Variants in HEPACAM observed in about 807,000 individuals in gnomAD.
HEPACAM encodes the protein hepatocyte cell adhesion molecule.
HEPACAM carries 18 observed loss-of-function variants against 38.3 expected under a neutral mutation model. The ratio of observed to expected loss-of-function variants is 0.47; its 90% CI spans 0.33 to 0.70. The LOEUF (loss-of-function observed/expected upper bound fraction) is 0.70. HEPACAM is among the 30% of genes least tolerant of loss of function. The pLI, the probability that HEPACAM is intolerant of heterozygous loss-of-function variation, is 0.03. For missense variants in HEPACAM, 466 were observed against 563.0 expected (o/e 0.83, Z 1.74); for synonymous variants, 216 against 243.1 (o/e 0.89, Z 1.04).
chr11:124,921,405 C>T lies in HEPACAM; in HGVS notation c.984G>A (p.Glu328=). 1 of 1,270,006 alleles carries T rather than the reference C, an allele frequency of 7.9e-7. No individual in the cohort carries two copies. Among genetic ancestry groups the T allele is most frequent in the Non-Finnish European group, 9.9e-7 (1 of 1,009,878 alleles). 78.7% of individuals were successfully genotyped at this position (1,270,006 alleles called of 1,614,324 possible). ...SPETEENPAP[E]PRSATEPGPP... is the part of the protein sequence containing the mutation. Reference sequence around the variant, plus strand: ...GGCCGGGCTCCGTCGCGCTTCGAGGCTCCGGGGCCGGGTTCTCCTCGGTCT... The same window carrying T: ...GGCCGGGCTCCGTCGCGCTTCGAGGTTCCGGGGCCGGGTTCTCCTCGGTCT... The change falls in exon 7 of 7, where the codon GAG becomes GAA. Residue 328 remains glutamate, a synonymous_variant. Coordinates refer to ENST00000298251, the MANE Select transcript of HEPACAM (RefSeq NM_152722.5). This position sits in a 1 kb window ranked among gnomAD's most constrained non-coding sequence, Gnocchi z 4.6.
chr11:124,934,061 C>A (rs1006925873), intron 1 of HEPACAM, among the ~76,000 whole-genome samples: 6 of 152,166 alleles, frequency 3.9e-5, no homozygotes, highest in African/African-American at 1.4e-4. Context: ...TCTCTCCAAC[C>A]CTGACCTCTC....
Position 124,921,346 on chromosome 11 carries a change from C to A in HEPACAM, c.1043G>T (p.Gly348Val). ...PGYSVSPAVP[G>V]RSPGLPIRSA... ...GCGGATGGGCAGCCCCGGCGAGCGG[C>A]CGGGCACGGCGGGAGACACGGAGTA... is the stretch of plus-strand genomic sequence containing the variant. Residue 348 changes from glycine to valine, a missense_variant, in exon 7 of 7, where the codon GGC becomes GTC. By Grantham distance (109) the Gly-to-Val change is moderately radical (BLOSUM62 -3). Transcript: ENST00000298251. The surrounding 1 kb of genome is among the most constrained non-coding windows in gnomAD (Gnocchi z 4.6). The A allele has an allele frequency of 3.9e-6, 5 of 1,267,596 alleles. No individual in the cohort carries two copies. The highest frequency in any genetic ancestry group is 4.9e-6 in the Non-Finnish European group (5 of 1,011,282). 78.5% of individuals were successfully genotyped at this position (1,267,596 alleles called of 1,614,324 possible).
At chr11:124,929,292 C>T (rs1947255734) in intron 1 of HEPACAM, among the ~76,000 whole-genome samples, 2 of 152,250 alleles carry the variant, frequency 1.3e-5, no homozygotes, top group African/African-American at 2.4e-5. Flanking sequence ...GTCCCCTCAT[C>T]ATGCCTATGA....
intron 1 of HEPACAM, among the ~76,000 whole-genome samples, chr11:124,935,654 G>C (rs1052911386): frequency 2.0e-5 from 3 of 152,212 alleles, no homozygotes; most frequent in African/African-American, 7.2e-5. Context: ...AAATGGCCCA[G>C]TGCCCGCCAT....
rs1038446953 is a variant in HEPACAM at position 124,925,113 on chromosome 11, G to C, written c.86-44C>G. ...GAGGAAGAGGGAAGCATCAGGCCCT[G>C]GGCTCCTTAGCCCACTCCCAACTTT... On this transcript the variant is annotated intron_variant, in intron 1 of 6. Transcript: ENST00000298251. 4.0e-6 allele frequency: 6 copies of C among 1,487,392 alleles called. No homozygotes were observed. In the African/African-American group the frequency reaches 4.2e-5, roughly 10 times the overall value. The allele number at this position is 1,487,392 out of a possible 1,614,324, so 92.1% of individuals were successfully genotyped here.
At chr11:124,930,353 T>C (rs904608996) in intron 1 of HEPACAM, among the ~76,000 whole-genome samples, 2 of 152,202 alleles carry the variant, frequency 1.3e-5, no homozygotes, top group African/African-American at 4.8e-5. Flanking sequence ...TACATTTTTA[T>C]CCTGTTGAGG....
Position 124,925,022 on chromosome 11 carries a change from C to T in HEPACAM, c.133G>A (p.Gly45Ser), listed in dbSNP as rs751190197. The change falls in exon 2 of 7, where the codon GGC (glycine) becomes AGC (serine). Residue 45 changes from glycine (G) to serine (S), a missense_variant. Gly to Ser is a moderately conservative substitution (Grantham distance 56). Transcript: ENST00000298251. ...AGCAGAGCCGACTTCCCCACGGTGC[C>T]ATGGATCAGGCGCACGGGGCTGGTG... ...NITSPVRLIH[G>S]TVGKSALLSV... The T allele has an allele frequency of 2.2e-5, 35 of 1,606,042 alleles. No individual in the cohort carries two copies. Among genetic ancestry groups the T allele is most frequent in the Non-Finnish European group, 2.8e-5 (33 of 1,173,860 alleles).
rs773166911 is a variant in HEPACAM, at chr11:124,919,755, GT to G, written c.*1382del. The G allele has an allele frequency of 1.2e-6, 2 of 1,613,710 alleles. No individual in the cohort carries two copies. Among genetic ancestry groups the G allele is most frequent in the South Asian group, 2.2e-5 (2 of 91,068 alleles). ...ACTTGACCTGGTGTGGAGGTGATGG[GT>G]AACTGGGGCCTTGGAATTGCTCCAT... On this transcript the variant is annotated 3_prime_UTR_variant, in exon 7 of 7. Transcript: ENST00000298251.
At chr11:124,935,622 C>T (rs1440306952) in intron 1 of HEPACAM, among the ~76,000 whole-genome samples, 1 of 152,212 alleles carries the variant, frequency 6.6e-6, no homozygotes, top group Non-Finnish European at 1.5e-5. Flanking sequence ...GACTGGCCCA[C>T]GCCAACAAGT....
At chr11:124,922,262 C>T (rs1947149949) in intron 6 of HEPACAM, 126 bp downstream of exon 6, 2 of 1,046,888 alleles carry the variant, frequency 1.9e-6, no homozygotes, top group African/African-American at 1.6e-5. Flanking sequence ...TGAAACCAGT[C>T]CCTGGTGCCA....
In HEPACAM at chr11:124,920,689, A is replaced by AAG; in HGVS notation, c.*448_*449insCT. The AAG allele has an allele frequency of 9.9e-7, 1 of 1,011,918 alleles. No individual in the cohort carries two copies. The allele number at this position is 1,011,918 out of a possible 1,614,324, so 62.7% of individuals were successfully genotyped here. A position where few individuals can be genotyped will look rare whatever the true frequency, so the allele number is the denominator to read the frequency against. On this transcript the variant is annotated 3_prime_UTR_variant, in exon 7 of 7. Coordinates refer to ENST00000298251, the MANE Select transcript of HEPACAM (RefSeq NM_152722.5). ...CTAATCTGAACTTGCAAAAAAAAAAAAAAAAAAAAAAAAAAAAAAAGTGCC... is the reference window on the plus strand; with the variant it reads ...CTAATCTGAACTTGCAAAAAAAAAAAAGAAAAAAAAAAAAAAAAAAAAGTGCC...
At position 124,919,550 on chromosome 11, in the gene HEPACAM, C is replaced by A; in HGVS notation, c.*1588G>T. On this transcript the variant is annotated 3_prime_UTR_variant, in exon 7 of 7. Transcript: ENST00000298251. ...TCCACCTTCTTGAGAAACTTTTCCC[C>A]TACATGCATTATCTCATTATGGATG... 1 of 603,712 alleles carries A rather than the reference C, an allele frequency of 1.7e-6. No homozygotes were observed. The highest frequency in any genetic ancestry group is 2.1e-5 in the South Asian group (1 of 46,594). 37.4% of individuals were successfully genotyped at this position (603,712 alleles called of 1,614,324 possible). A position where few individuals can be genotyped will look rare whatever the true frequency, so the allele number is the denominator to read the frequency against.
intron 1 of HEPACAM, among the ~76,000 whole-genome samples, chr11:124,925,885 C>A (rs1390799130): frequency 6.6e-6 from 1 of 152,172 alleles, no homozygotes. Context: ...GGTACTCATT[C>A]TTCTCATTTG....
intron 1 of HEPACAM, among the ~76,000 whole-genome samples, chr11:124,934,027 A>G (rs1055862242): frequency 2.0e-5 from 3 of 152,112 alleles, no homozygotes; most frequent in Non-Finnish European, 4.4e-5. Context: ...ACTCTCACCT[A>G]TGGGCTAACG....
intron 1 of HEPACAM, among the ~76,000 whole-genome samples, chr11:124,926,840 G>A (rs1380894858): frequency 6.6e-6 from 1 of 151,936 alleles, no homozygotes; most frequent in Non-Finnish European, 1.5e-5. Flanking sequence ...GCAATTAAAC[G>A]AAAAGGTTGG....
In HEPACAM at chr11:124,920,035, T is replaced by C; in HGVS notation, c.*1103A>G. On this transcript the variant is annotated 3_prime_UTR_variant, in exon 7 of 7. Coordinates refer to ENST00000298251, the MANE Select transcript of HEPACAM (RefSeq NM_152722.5). ...TAGTGTGATTAGGGAGTCTGCCCTT[T>C]TTCTGTGCCCTGGGACCTGAGCATG... 1 of 1,606,990 alleles carries C rather than the reference T, an allele frequency of 6.2e-7. No homozygotes were observed. Among genetic ancestry groups the C allele is most frequent in the South Asian group, 1.1e-5 (1 of 90,554 alleles).
rs71042463 is a variant in HEPACAM at position 124,920,678 on chromosome 11, CAAAAAAAA to C, written c.*452_*459del. 1.1e-3 allele frequency: 648 copies of C among 574,938 alleles called. No homozygotes were observed. The highest frequency in any genetic ancestry group is 2.1e-3 in the African/African-American group (45 of 21,508). 35.6% of individuals were successfully genotyped at this position (574,938 alleles called of 1,614,324 possible). On this transcript the variant is annotated 3_prime_UTR_variant, in exon 7 of 7. Coordinates refer to ENST00000298251, the MANE Select transcript of HEPACAM (RefSeq NM_152722.5). ...AAGTGGCCTCTCTAATCTGAACTTG[CAAAAAAAA>C]AAAAAAAAAAAAAAAAAAAAAAAGT...
chr11:124,920,029 G>A lies in HEPACAM; in HGVS notation c.*1109C>T. ...TGATGTTAGTGTGATTAGGGAGTCT[G>A]CCCTTTTTCTGTGCCCTGGGACCTG... On this transcript the variant is annotated 3_prime_UTR_variant, in exon 7 of 7. Transcript: ENST00000298251. 1 of 1,608,158 alleles carries A rather than the reference G, an allele frequency of 6.2e-7. No homozygotes were observed. Among genetic ancestry groups the A allele is most frequent in the Non-Finnish European group, 8.5e-7 (1 of 1,177,006 alleles).
Position 124,922,763 on chromosome 11 carries a change from C to T in HEPACAM, c.859G>A (p.Asp287Asn), listed in dbSNP as rs772798343. The change falls in exon 5 of 7, where the codon GAC (aspartate) becomes AAC (asparagine). Residue 287 changes from aspartate to asparagine, a missense_variant. By Grantham distance (23) the Asp-to-Asn change is conservative (BLOSUM62 1). Transcript: ENST00000298251. ...AGCTCACCTTCTGGTTTCAGGCGGT[C>T]ATCATTCTGATCCATGTATTCCAGG... ...NSLEYMDQND[D>N]RLKPEADTLP... The T allele has an allele frequency of 3.2e-5, 51 of 1,614,058 alleles. No individual in the cohort carries two copies. Among genetic ancestry groups the T allele is most frequent in the Non-Finnish European group, 4.3e-5 (51 of 1,180,024 alleles).
Sources: allele counts gnomAD v4.1 joint callset (sites outside exome capture counted in the v4.1 genomes callset), GRCh38; gene constraint gnomAD v4.1.1; non-coding constraint Gnocchi (gnomAD v3.1); transcripts MANE v1.5; gene names NCBI Gene and HGNC (gene_info 2026-07-23, HGNC 2026-07-21).